The following SNX31 variants were observed in gnomAD, a reference collection of about 807,000 sequenced individuals.
The protein encoded by SNX31 is sorting nexin 31.
In SNX31, 58 loss-of-function variants were observed where a neutral mutation model predicts 65.4. That is an observed-to-expected ratio of 0.89 (90% CI 0.72 to 1.10). The LOEUF (loss-of-function observed/expected upper bound fraction) is 1.10, where lower values mean the gene tolerates loss of function less well. Among genes scored for constraint, SNX31 ranks in the 50% least tolerant of loss-of-function variants. The probability of loss-of-function intolerance (pLI) is 0.00; values close to 1 mark genes in which losing one functional copy is unlikely to be tolerated. For synonymous variants in SNX31, 181 were observed against 190.1 expected (o/e 0.95, Z 0.39); for missense variants, 523 against 529.7 (o/e 0.99, Z 0.12).
intron 10 of SNX31, among the ~76,000 whole-genome samples, chr8:100,591,305 G>C (rs1441861909): frequency 1.3e-5 from 2 of 152,006 alleles, no homozygotes; most frequent in African/African-American, 4.8e-5. Flanking sequence ...AAGGCACAAA[G>C]GGCTAAATTA....
intron 8 of SNX31, among the ~76,000 whole-genome samples, chr8:100,605,758 T>G (rs1055393983): frequency 5.9e-5 from 9 of 152,124 alleles, no homozygotes; most frequent in Non-Finnish European, 1.3e-4. Flanking sequence ...TTCCCTCTGG[T>G]TATAAATCTT....
At chr8:100,618,983 C>A (rs899392285) in intron 4 of SNX31, 9 of 152,312 alleles carry the variant, frequency 5.9e-5, no homozygotes, top group African/African-American at 1.7e-4. Context: ...TGACGAAACT[C>A]AATCTCCAGC....
intron 4 of SNX31, among the ~76,000 whole-genome samples, chr8:100,619,653 G>T (rs764191101): frequency 2.0e-5 from 3 of 152,244 alleles, no homozygotes; most frequent in Non-Finnish European, 2.9e-5. Context: ...GGGGTGGATT[G>T]TTCCTTGGCA....
intron 11 of SNX31, among the ~76,000 whole-genome samples, chr8:100,587,720 A>C (rs757719122): frequency 1.3e-5 from 2 of 152,200 alleles, no homozygotes; most frequent in Non-Finnish European, 2.9e-5. Context: ...TCCATGCACA[A>C]ATTTATTTAA....
intron 10 of SNX31, among the ~76,000 whole-genome samples, chr8:100,595,414 T>A (rs1814990045): frequency 1.3e-5 from 2 of 151,336 alleles, no homozygotes; most frequent in South Asian, 4.2e-4. Context: ...GCTCAAGAGA[T>A]CCTCCCACCT....
At chr8:100,635,289 G>A (rs991343012) in intron 3 of SNX31, among the ~76,000 whole-genome samples, 1 of 146,330 alleles carries the variant, frequency 6.8e-6, no homozygotes, top group Admixed American at 7.1e-5. Context: ...ACCCAGGCTG[G>A]AGTACGGTGG....
chr8:100,638,438 C>G (rs1473428780), intron 2 of SNX31, among the ~76,000 whole-genome samples: 6 of 152,198 alleles, frequency 3.9e-5, no homozygotes, highest in Admixed American at 3.3e-4. Context: ...TACAGCATTT[C>G]CATCAGCACA....
intron 13 of SNX31, among the ~76,000 whole-genome samples, chr8:100,574,817 C>T (rs1812909938): frequency 6.6e-6 from 1 of 151,954 alleles, no homozygotes; most frequent in African/African-American, 2.4e-5. Context: ...ACCTGTAATC[C>T]CAGCTACTCA....
intron 2 of SNX31, among the ~76,000 whole-genome samples, chr8:100,643,984 T>A (rs1250191685): frequency 6.6e-6 from 1 of 152,032 alleles, no homozygotes; most frequent in Non-Finnish European, 1.5e-5. Flanking sequence ...GGGACTGAGG[T>A]GGGCTTTGAG....
chr8:100,638,532 A>AT (rs1037492845), intron 2 of SNX31, among the ~76,000 whole-genome samples: 2 of 152,130 alleles, frequency 1.3e-5, no homozygotes, highest in African/African-American at 4.8e-5. Flanking sequence ...TCCCTGATGC[A>AT]TTTTTTTGGT....
Position 100,641,296 on chromosome 8 carries a change from G to C in SNX31, c.142-5285C>G, listed in dbSNP as rs1037386405. Among the ~76,000 whole-genome samples, 5 of 151,704 alleles carry C rather than the reference G, an allele frequency of 3.3e-5. No homozygotes were observed. The East Asian group carries it at 9.8e-4, about 30-fold the overall frequency. ...TCACGCCTGTCATCTCAACACTTTG[G>C]GAGGCCTAGGTGGGCAGATTGCTTG... On this transcript the variant is annotated intron_variant, in intron 2 of 13. Coordinates refer to ENST00000311812, the MANE Select transcript of SNX31 (RefSeq NM_152628.4).
At chr8:100,641,098 T>C (rs1014926112) in intron 2 of SNX31, among the ~76,000 whole-genome samples, 14 of 151,588 alleles carry the variant, frequency 9.2e-5, no homozygotes, top group Non-Finnish European at 1.8e-4. Context: ...ATTAAGTTTA[T>C]TTAAAAAAAA....
At position 100,612,289 on chromosome 8, in the gene SNX31, C is replaced by T. The variant is rs542174182; in HGVS notation, c.524-202G>A. ...CATTTGATCCTCAAAAAAAAACAGC[C>T]CCTTGAGTGGGGGGTGTTTTACACT... On this transcript the variant is annotated intron_variant, in intron 6 of 13. Transcript: ENST00000311812. This position sits in a 1 kb window ranked among gnomAD's most constrained non-coding sequence, Gnocchi z 4.3. 1.1e-3 allele frequency among the ~76,000 whole-genome samples: 168 copies of T among 152,014 alleles called. No homozygotes were observed. The highest frequency in any genetic ancestry group is 1.4e-3 in the Non-Finnish European group (93 of 67,988).
chr8:100,635,212 A>C (rs1435975170), intron 3 of SNX31, among the ~76,000 whole-genome samples: 3 of 122,072 alleles, frequency 2.5e-5, no homozygotes, highest in Non-Finnish European at 5.3e-5. Flanking sequence ...ACATAGTGAG[A>C]CCTCATCTCT....
At chr8:100,661,614 G>A (rs1380937638) in intron 1 of SNX31, among the ~76,000 whole-genome samples, 1 of 151,758 alleles carries the variant, frequency 6.6e-6, no homozygotes, top group African/African-American at 2.4e-5. Context: ...CTGCAGCCTC[G>A]ACCGCCTGGG....
intron 2 of SNX31, among the ~76,000 whole-genome samples, chr8:100,637,640 C>T (rs1818872735): frequency 6.6e-6 from 1 of 152,196 alleles, no homozygotes; most frequent in South Asian, 2.1e-4. Context: ...TCTGCTTCTA[C>T]CCGTGACTCC....
chr8:100,602,632 T>G (rs981874445), intron 8 of SNX31, among the ~76,000 whole-genome samples: 1 of 152,234 alleles, frequency 6.6e-6, no homozygotes, highest in African/African-American at 2.4e-5. Flanking sequence ...ACTCTTGCAC[T>G]TTAGGGCCAT....
chr8:100,581,362 AAGAAC>A, intron 12 of SNX31, among the ~76,000 whole-genome samples: 1 of 134,014 alleles, frequency 7.5e-6, no homozygotes, highest in African/African-American at 3.4e-5. Flanking sequence ...TATATAATTT[AAGAAC>A]TTAATATATT....
chr8:100,587,699 A>G (rs966976595), intron 11 of SNX31, among the ~76,000 whole-genome samples: 1 of 152,238 alleles, frequency 6.6e-6, no homozygotes, highest in African/African-American at 2.4e-5. Context: ...CTCAATGTCC[A>G]CAAACTTTGT....
Sources: gnomAD v4.1 joint callset for allele counts (sites outside exome capture counted in the v4.1 genomes callset) on GRCh38, gnomAD v4.1.1 for gene constraint, Gnocchi (gnomAD v3.1) non-coding constraint, MANE v1.5 for transcripts, NCBI Gene and HGNC (gene_info 2026-07-23, HGNC 2026-07-21) for gene names.